Variants in FEM1C observed in about 807,000 individuals in gnomAD.
FEM1C encodes fem-1 homolog C.
FEM1C carries 15 observed loss-of-function variants against 37.6 expected under a neutral mutation model. The observed-to-expected ratio is 0.40, with a 90% CI of 0.27 to 0.61. The LOEUF (loss-of-function observed/expected upper bound fraction) is 0.61, where lower values mean the gene tolerates loss of function less well. Ranked by LOEUF, FEM1C falls within the 20% of genes least tolerant of loss-of-function variation. The pLI is 0.42. For synonymous variants in FEM1C, 287 were observed against 272.8 expected (o/e 1.05, Z -0.51); for missense variants, 532 against 749.7 (o/e 0.71, Z 3.39).
In FEM1C at chr5:115,524,225, G is replaced by A; in HGVS notation, c.*83C>T. On this transcript the variant is annotated 3_prime_UTR_variant, in exon 3 of 3. Transcript: ENST00000274457. ...ATGATATCAATCAAGCTAAATGAAT[G>A]CTGGTGTTATCACAACAGTGCTCAT... 9.3e-7 allele frequency: 1 copy of A among 1,071,400 alleles called. No individual in the cohort carries two copies. Among genetic ancestry groups the A allele is most frequent in the Non-Finnish European group, 1.4e-6 (1 of 715,198 alleles). The allele number at this position is 1,071,400 out of a possible 1,614,324, so 66.4% of individuals were successfully genotyped here.
chr5:115,530,204 A>G (rs111583986), intron 2 of FEM1C, among the ~76,000 whole-genome samples: 2,042 of 152,124 alleles, frequency 0.013, 51 homozygotes, highest in African/African-American at 0.047. Flanking sequence ...AAGTTTGGGA[A>G]AAAAATGCCC....
intron 2 of FEM1C, among the ~76,000 whole-genome samples, chr5:115,536,114 T>A (rs976417544): frequency 6.6e-6 from 1 of 151,892 alleles, no homozygotes; most frequent in Non-Finnish European, 1.5e-5. Context: ...GATATGAGAT[T>A]TTTTCCGGGG....
Position 115,535,282 on chromosome 5 carries a change from G to C in FEM1C, c.544+7668C>G, listed in dbSNP as rs867197585. On this transcript the variant is annotated intron_variant, in intron 2 of 2. Coordinates refer to ENST00000274457, the MANE Select transcript of FEM1C (RefSeq NM_020177.3). Reference sequence around the variant, plus strand: ...TGGTATAAACACCACCATCAAAAAAGTTAAAAAAAAAAAAAACAAACACAG... The same window carrying C: ...TGGTATAAACACCACCATCAAAAAACTTAAAAAAAAAAAAAACAAACACAG... Among the ~76,000 whole-genome samples the C allele has an allele frequency of 1.5e-4, 7 of 47,894 alleles. No individual in the cohort carries two copies. The South Asian group carries it at 3.8e-3, about 26-fold the overall frequency. The allele number at this position is 47,894 out of a possible 152,430, so 31.4% of individuals were successfully genotyped here. A position where few individuals can be genotyped will look rare whatever the true frequency, so the allele number is the denominator to read the frequency against.
At chr5:115,543,938 T>C (rs1278262381) in intron 1 of FEM1C, 1 of 985,268 alleles carries the variant, frequency 1.0e-6, no homozygotes, top group African/African-American at 1.7e-5. Context: ...CAGCCCGTTT[T>C]CTCGCCTCCA....
chr5:115,525,515 G>A lies in FEM1C; in HGVS notation c.647C>T (p.Thr216Ile). 1 of 1,613,576 alleles carries A rather than the reference G, an allele frequency of 6.2e-7. No homozygotes were observed. Among genetic ancestry groups the A allele is most frequent in the Non-Finnish European group, 8.5e-7 (1 of 1,179,758 alleles). The change falls in exon 3 of 3, where the codon ACT becomes ATT. Residue 216 changes from threonine to isoleucine, a missense_variant. Coordinates refer to ENST00000274457, the MANE Select transcript of FEM1C (RefSeq NM_020177.3). ...AGTCACACTTGCTGAGAGAAGGGGA[G>A]TCATTCCATAACCATCCTTTTCCAT... ...AKMEKDGYGM[T>I]PLLSASVTGH...
At position 115,543,304 on chromosome 5, in the gene FEM1C, A is replaced by G; in HGVS notation, c.190T>C (p.Cys64Arg). Residue 64 changes from cysteine to arginine, a missense_variant, in exon 2 of 3, where the codon TGC (cysteine) becomes CGC (arginine). Coordinates refer to ENST00000274457, the MANE Select transcript of FEM1C (RefSeq NM_020177.3). ...CCCCCAACTTCTATGGAGGCACTGC[A>G]TTGCTCTAGGAGGAATTCCACCATG... ...LDMVEFLLEQ[C>R]SASIEVGGSV... 1 of 1,614,218 alleles carries G rather than the reference A, an allele frequency of 6.2e-7. No individual in the cohort carries two copies. Among genetic ancestry groups the G allele is most frequent in the South Asian group, 1.1e-5 (1 of 91,084 alleles).
chr5:115,538,054 A>AT (rs1404690325), intron 2 of FEM1C, among the ~76,000 whole-genome samples: 1 of 152,068 alleles, frequency 6.6e-6, no homozygotes, highest in Admixed American at 6.6e-5. Context: ...GAGAAATAAT[A>AT]TAAAGCCTTG....
chr5:115,531,689 C>T (rs1754017818), intron 2 of FEM1C, among the ~76,000 whole-genome samples: 1 of 152,028 alleles, frequency 6.6e-6, no homozygotes, highest in African/African-American at 2.4e-5. Flanking sequence ...TGGCTGTTTC[C>T]CAACAAAACT....
At chr5:115,535,765 A>T (rs1754112463) in intron 2 of FEM1C, among the ~76,000 whole-genome samples, 1 of 152,020 alleles carries the variant, frequency 6.6e-6, no homozygotes. Context: ...GAGAAATGAA[A>T]ACATATATCC....
In FEM1C at chr5:115,524,874, G is replaced by A; in HGVS notation, c.1288C>T (p.Gln430Ter). ...AACTGTAATGGGTCAGCTGGACACTGAGTTTGTTTGATAGCTCGCTCTATT... is the reference window on the plus strand; with the variant it reads ...AACTGTAATGGGTCAGCTGGACACTAAGTTTGTTTGATAGCTCGCTCTATT... ...LEIERAIKQT[Q>*]CPADPLQLNK... The change falls in exon 3 of 3, where the codon CAG becomes TAG. Residue 430 changes from glutamine (Q) to a stop codon, truncating the protein, a stop_gained. Transcript: ENST00000274457. LOFTEE classifies it high-confidence loss of function. The A allele has an allele frequency of 6.2e-7, 1 of 1,613,728 alleles. No homozygotes were observed. Among genetic ancestry groups the A allele is most frequent in the Non-Finnish European group, 8.5e-7 (1 of 1,179,808 alleles).
intron 2 of FEM1C, among the ~76,000 whole-genome samples, chr5:115,538,887 C>A (rs959667609): frequency 6.6e-6 from 1 of 152,102 alleles, no homozygotes; most frequent in African/African-American, 2.4e-5. Flanking sequence ...CAGATCTAAA[C>A]CCCAACCTGT....
At chr5:115,536,689 A>G (rs1010806701) in intron 2 of FEM1C, among the ~76,000 whole-genome samples, 3 of 151,992 alleles carry the variant, frequency 2.0e-5, no homozygotes, top group Non-Finnish European at 4.4e-5. Flanking sequence ...GAAGTTCAAA[A>G]AAAAGGAAAT....
Position 115,521,588 on chromosome 5 carries a change from T to C in FEM1C, c.*2720A>G, listed in dbSNP as rs1753776337. 1 of 151,810 alleles carries C rather than the reference T, an allele frequency of 6.6e-6. No individual in the cohort carries two copies. The highest frequency in any genetic ancestry group is 2.1e-4 in the South Asian group (1 of 4,836). The allele number at this position is 151,810 out of a possible 1,614,324, so 9.4% of individuals were successfully genotyped here. On this transcript the variant is annotated 3_prime_UTR_variant, in exon 3 of 3. Coordinates refer to ENST00000274457, the MANE Select transcript of FEM1C (RefSeq NM_020177.3). ...TAGAAATGATCAAAACAGTGGAACA[T>C]CTAAAATTCAGGAGGCCCCAAAAGG...
chr5:115,527,795 G>A (rs1339078327), intron 2 of FEM1C, among the ~76,000 whole-genome samples: 2 of 152,062 alleles, frequency 1.3e-5, no homozygotes, highest in African/African-American at 2.4e-5. Flanking sequence ...GAAGTCAAGA[G>A]ATCAAGACCA....
Position 115,521,621 on chromosome 5 carries a change from C to A in FEM1C, c.*2687G>T, listed in dbSNP as rs1753777160. On this transcript the variant is annotated 3_prime_UTR_variant, in exon 3 of 3. Coordinates refer to ENST00000274457, the MANE Select transcript of FEM1C (RefSeq NM_020177.3). ...TCAGGAGGCCCCAAAAGGGCATTTT[C>A]ATAGAAATGTTAATAACTTACACAT... is the stretch of plus-strand genomic sequence containing the variant. 1 of 151,854 alleles carries A rather than the reference C, an allele frequency of 6.6e-6. No homozygotes were observed. Among genetic ancestry groups the A allele is most frequent in the Non-Finnish European group, 1.5e-5 (1 of 67,832 alleles). The allele number at this position is 151,854 out of a possible 1,614,324, so 9.4% of individuals were successfully genotyped here.
chr5:115,536,511 G>C (rs1322081409), intron 2 of FEM1C, among the ~76,000 whole-genome samples: 1 of 151,686 alleles, frequency 6.6e-6, no homozygotes, highest in Non-Finnish European at 1.5e-5. Flanking sequence ...CTGATTCCAA[G>C]TATTTTATTC....
chr5:115,542,444 T>C (rs1754261570), intron 2 of FEM1C, among the ~76,000 whole-genome samples: 1 of 152,116 alleles, frequency 6.6e-6, no homozygotes, highest in East Asian at 1.9e-4. Context: ...TTTCCACTGA[T>C]ATTAATCCTT....
At position 115,524,538 on chromosome 5, in the gene FEM1C, C is replaced by G. The variant is rs780572054; in HGVS notation, c.1624G>C (p.Asp542His). Reference sequence around the variant, plus strand: ...GATTTAATAAGGAGATTCATGATGTCTGGATGGTTGTTAAGAGCAGCGATA... The same window carrying G: ...GATTTAATAAGGAGATTCATGATGTGTGGATGGTTGTTAAGAGCAGCGATA... ...LHIAALNNHPDIMNLLIKSGA... is the reference protein window; with the variant it reads ...LHIAALNNHPHIMNLLIKSGA... The change falls in exon 3 of 3, where the codon GAC (aspartate) becomes CAC (histidine). Residue 542 changes from aspartate to histidine, a missense_variant. Asp to His is a moderately conservative substitution (Grantham distance 81). Around this residue, in one of 3 missense-constraint regions of FEM1C, gnomAD observed 237 missense variants for 260.5 expected, o/e 0.91. Transcript: ENST00000274457. 1 of 1,613,386 alleles carries G rather than the reference C, an allele frequency of 6.2e-7. No homozygotes were observed. The highest frequency in any genetic ancestry group is 1.1e-5 in the South Asian group (1 of 91,004).
rs1260091173 is a variant in FEM1C, at chr5:115,524,005, G to A, written c.*303C>T. 3.6e-6 allele frequency: 1 copy of A among 277,534 alleles called. No homozygotes were observed. The highest frequency in any genetic ancestry group is 2.3e-5 in the African/African-American group (1 of 44,282). 17.2% of individuals were successfully genotyped at this position (277,534 alleles called of 1,614,324 possible). A position where few individuals can be genotyped will look rare whatever the true frequency, so the allele number is the denominator to read the frequency against. On this transcript the variant is annotated 3_prime_UTR_variant, in exon 3 of 3. Transcript: ENST00000274457. ...AAGTATAAAGACACCATGGAGAAAT[G>A]GTTAACTCTGCCCCAAACACCCAAC... is the stretch of plus-strand genomic sequence containing the variant.
Sources: gnomAD v4.1 joint callset for allele counts (sites outside exome capture counted in the v4.1 genomes callset) on GRCh38, gnomAD v4.1.1 for gene constraint, gnomAD v4.1.1 regional missense constraint, MANE v1.5 for transcripts, NCBI Gene and HGNC (gene_info 2026-07-23, HGNC 2026-07-21) for gene names.